The following SCN11A variants were observed in gnomAD, a reference collection of about 807,000 sequenced individuals.
SCN11A encodes sodium channel protein type 11 subunit alpha.
Under a neutral mutation model 162.2 loss-of-function variants are expected in SCN11A, and 122 were observed. The ratio of observed to expected loss-of-function variants is 0.75; its 90% CI spans 0.65 to 0.87. The LOEUF is 0.87. Among genes scored for constraint, SCN11A ranks in the 40% least tolerant of loss-of-function variants. The pLI is 0.00. For synonymous variants in SCN11A, 758 were observed against 751.5 expected (o/e 1.01, Z -0.14); for missense variants, 2,015 against 2,181.6 (o/e 0.92, Z 1.52).
chr3:38,870,858 C>T (rs376597324), intron 25 of SCN11A, 114 bp from the exon 26 acceptor site: 6 of 801,738 alleles, frequency 7.5e-6, no homozygotes, highest in East Asian at 2.5e-5. Context: ...GATGATACCC[C>T]AACCTTCTAG....
At chr3:38,873,882 G>T (rs1429373412) in intron 23 of SCN11A, among the ~76,000 whole-genome samples, 2 of 152,156 alleles carry the variant, frequency 1.3e-5, no homozygotes, top group African/African-American at 4.8e-5. Context: ...CTTATGGTTT[G>T]CTCCTTGTAA....
intron 28 of SCN11A, among the ~76,000 whole-genome samples, chr3:38,856,694 G>C (rs2064875014): frequency 6.6e-6 from 1 of 152,048 alleles, no homozygotes; most frequent in Admixed American, 6.6e-5. Context: ...GAATCATCAA[G>C]TCAGTAAATA....
chr3:38,920,053 A>G (rs1450114675), intron 10 of SCN11A, 52 bp from the exon 11 acceptor site: 1 of 1,342,184 alleles, frequency 7.5e-7, no homozygotes, highest in Admixed American at 1.7e-5. Context: ...CATTGAAAGG[A>G]AAGAGAATAG....
intron 7 of SCN11A, among the ~76,000 whole-genome samples, chr3:38,935,982 C>A (rs1263427769): frequency 6.6e-6 from 1 of 152,194 alleles, no homozygotes; most frequent in African/African-American, 2.4e-5. Flanking sequence ...AAAATACTGA[C>A]AAACTGAGTC....
At chr3:38,851,707 G>A (rs1354657502) in intron 28 of SCN11A, among the ~76,000 whole-genome samples, 1 of 152,092 alleles carries the variant, frequency 6.6e-6, no homozygotes, top group Non-Finnish European at 1.5e-5. Context: ...TAATCAAAGT[G>A]GCATACACTA....
intron 7 of SCN11A, among the ~76,000 whole-genome samples, chr3:38,940,832 A>G (rs1203181528): frequency 1.3e-5 from 2 of 152,196 alleles, no homozygotes; most frequent in East Asian, 3.8e-4. Flanking sequence ...AAAGAAAAAA[A>G]TAATAAGCAA....
chr3:38,853,309 T>G (rs899941998), intron 28 of SCN11A, among the ~76,000 whole-genome samples: 1 of 152,180 alleles, frequency 6.6e-6, no homozygotes, highest in Non-Finnish European at 1.5e-5. Context: ...TTCTCTCTTT[T>G]CTTGTTGTTG....
At chr3:38,904,266 T>C (rs2065754807) in intron 15 of SCN11A, among the ~76,000 whole-genome samples, 163 bp from the exon 16 acceptor site, 1 of 152,158 alleles carries the variant, frequency 6.6e-6, no homozygotes, top group African/African-American at 2.4e-5. Context: ...CCACCAATCT[T>C]AGTGCAGAAG....
At position 38,846,711 on chromosome 3, in the gene SCN11A, T is replaced by A; in HGVS notation, c.5359A>T (p.Lys1787Ter). The A allele has an allele frequency of 6.2e-7, 1 of 1,614,002 alleles. No individual in the cohort carries two copies. The highest frequency in any genetic ancestry group is 8.5e-7 in the Non-Finnish European group (1 of 1,179,938). Residue 1787 changes from lysine to a stop codon, truncating the protein, a stop_gained, in exon 30 of 30, where the codon AAG becomes TAG. Coordinates refer to ENST00000302328, the MANE Select transcript of SCN11A (RefSeq NM_001349253.2). LOFTEE classifies it high-confidence loss of function. ...DLSSFGVAKG[K>*]VHCD Reference sequence around the variant, plus strand: ...GTGAGGGCTCAGTCACAGTGGACCTTGCCCTTGGCCACCCCAAAGCTAGAC... The same window carrying A: ...GTGAGGGCTCAGTCACAGTGGACCTAGCCCTTGGCCACCCCAAAGCTAGAC...
At chr3:38,973,513 AAAG>A (rs1286455230) in intron 2 of SCN11A, among the ~76,000 whole-genome samples, 1 of 152,186 alleles carries the variant, frequency 6.6e-6, no homozygotes, top group Non-Finnish European at 1.5e-5. Context: ...TGTGGTGCTT[AAAG>A]AAGAGCCTAG....
At chr3:38,965,195 A>G (rs1300628222) in intron 2 of SCN11A, among the ~76,000 whole-genome samples, 2 of 152,226 alleles carry the variant, frequency 1.3e-5, no homozygotes, top group African/African-American at 4.8e-5. Flanking sequence ...GAAGAGTTTC[A>G]TGATCTTGTT....
chr3:38,916,543 C>T (rs974710009), intron 11 of SCN11A, among the ~76,000 whole-genome samples: 8 of 152,138 alleles, frequency 5.3e-5, no homozygotes, highest in Non-Finnish European at 1.2e-4. Flanking sequence ...CTTTCCATGT[C>T]TCCTGCTTCC....
chr3:39,024,149 T>C (rs1245373427), intron 2 of SCN11A, among the ~76,000 whole-genome samples: 3 of 152,178 alleles, frequency 2.0e-5, no homozygotes, highest in Non-Finnish European at 4.4e-5. Context: ...TTAGTCAAAG[T>C]TTTACATGCT....
At chr3:38,920,081 C>T (rs1575292136) in intron 10 of SCN11A, 80 bp from the exon 11 acceptor site, 1 of 1,093,366 alleles carries the variant, frequency 9.1e-7, no homozygotes, top group Non-Finnish European at 1.4e-6. Flanking sequence ...GCAGATTATG[C>T]TTGAAAATGG....
At chr3:38,878,382 G>A (rs1044524230) in intron 23 of SCN11A, among the ~76,000 whole-genome samples, 6 of 151,928 alleles carry the variant, frequency 3.9e-5, no homozygotes, top group Non-Finnish European at 5.9e-5. Context: ...TGTCAAAAGA[G>A]GGGAAATGTT....
At chr3:38,987,320 CA>C (rs2030291118) in intron 2 of SCN11A, among the ~76,000 whole-genome samples, 1 of 150,706 alleles carries the variant, frequency 6.6e-6, no homozygotes, top group African/African-American at 2.5e-5. Context: ...CACACACACA[CA>C]CACACACACA....
At chr3:38,922,110 T>C (rs2066062902) in intron 9 of SCN11A, among the ~76,000 whole-genome samples, 1 of 152,186 alleles carries the variant, frequency 6.6e-6, no homozygotes, top group African/African-American at 2.4e-5. Context: ...TCAAGATAGC[T>C]GGAGAGATAA....
intron 9 of SCN11A, among the ~76,000 whole-genome samples, chr3:38,923,917 A>C (rs1052856611): frequency 5.9e-5 from 9 of 152,158 alleles, no homozygotes; most frequent in Admixed American, 1.3e-4. Flanking sequence ...CAGCTGTCGG[A>C]GTCTCAGCCA....
At chr3:38,939,693 C>T (rs980310207) in intron 7 of SCN11A, among the ~76,000 whole-genome samples, 4 of 152,140 alleles carry the variant, frequency 2.6e-5, no homozygotes, top group African/African-American at 2.4e-5. Flanking sequence ...CATCTGAGGT[C>T]GGGAGTTAGA....
Sources: gnomAD v4.1 joint callset for allele counts (sites outside exome capture counted in the v4.1 genomes callset) on GRCh38, gnomAD v4.1.1 for gene constraint, MANE v1.5 for transcripts, NCBI Gene and HGNC (gene_info 2026-07-23, HGNC 2026-07-21) for gene names.